GAMT: variants seen among roughly 807,000 people sequenced by gnomAD.
The protein encoded by GAMT is epididymis secretory protein Li 20.
In GAMT, 26 loss-of-function variants were observed where a neutral mutation model predicts 26.9. The ratio of observed to expected loss-of-function variants is 0.97; its 90% CI spans 0.71 to 1.34. The LOEUF is 1.34. GAMT is among the 40% of genes most tolerant of loss of function. The pLI, the probability that GAMT is intolerant of heterozygous loss-of-function variation, is 0.00. For missense variants in GAMT, 412 were observed against 345.0 expected, an observed-to-expected ratio of 1.19 and a Z score of -1.54; for synonymous variants, 169 against 149.6, an observed-to-expected ratio of 1.13 and a Z score of -0.95.
rs779257170 is a variant in GAMT at position 1,401,305 on chromosome 19, A to AGGC, written c.169_171dup (p.Ala57dup). 1 of 1,509,888 alleles carries AGGC rather than the reference A, an allele frequency of 6.6e-7. No individual in the cohort carries two copies. The highest frequency in any genetic ancestry group is 2.7e-5 in the East Asian group (1 of 37,214). 93.5% of individuals were successfully genotyped at this position (1,509,888 alleles called of 1,614,324 possible). A position where few individuals can be genotyped will look rare whatever the true frequency, so the allele number is the denominator to read the frequency against. On this transcript the variant is annotated inframe_insertion, in exon 1 of 6. Transcript: ENST00000252288. ...GCCGGGCGGGGGCTACCTTTGGAGG[A>AGGC]GGCGGCGGCGGCCAGCGCGTGCATA...
At position 1,399,510 on chromosome 19, in the gene GAMT, C is replaced by T; in HGVS notation, c.391+14G>A. On this transcript the variant is annotated intron_variant, in intron 3 of 5. Coordinates refer to ENST00000252288, the MANE Select transcript of GAMT (RefSeq NM_000156.6). The surrounding 1 kb of genome is among the most constrained non-coding windows in gnomAD (Gnocchi z 6.2). ...GGGGAGGCCCACCCTGTGATACGTCCCCTCACCCCTCACCATCAAAGTGAC... is the reference window on the plus strand; with the variant it reads ...GGGGAGGCCCACCCTGTGATACGTCTCCTCACCCCTCACCATCAAAGTGAC... 6.2e-7 allele frequency: 1 copy of T among 1,609,758 alleles called. No individual in the cohort carries two copies. The highest frequency in any genetic ancestry group is 2.2e-5 in the East Asian group (1 of 44,804).
At chr19:1,398,578 G>T in intron 5 of GAMT, 1 of 675,060 alleles carries the variant, frequency 1.5e-6, no homozygotes, top group Non-Finnish European at 2.5e-6. Context: ...TGGGAGTACA[G>T]GCACACGCCA....
In GAMT at chr19:1,397,185, G is replaced by T. The variant is rs1196241730; in HGVS notation, c.*174C>A. The T allele has an allele frequency of 2.7e-6, 2 of 739,354 alleles. No homozygotes were observed. The highest frequency in any genetic ancestry group is 2.2e-6 in the Non-Finnish European group (1 of 459,304). The allele number at this position is 739,354 out of a possible 1,614,324, so 45.8% of individuals were successfully genotyped here. ...CCCTCACAGAGAAGCTGGGAAAGCT[G>T]CTGGTGACACACAGCTGGGATCAGC... On this transcript the variant is annotated 3_prime_UTR_variant, in exon 6 of 6. Coordinates refer to ENST00000252288, the MANE Select transcript of GAMT (RefSeq NM_000156.6).
rs767824933 is a variant in GAMT, at chr19:1,399,789, G to A, written c.327+4C>T. 17 of 1,559,868 alleles carry A rather than the reference G, an allele frequency of 1.1e-5. No individual in the cohort carries two copies. Among genetic ancestry groups the A allele is most frequent in the East Asian group, 2.4e-5 (1 of 41,824 alleles). On this transcript the variant is annotated splice_donor_region_variant and intron_variant, in intron 2 of 5. Transcript: ENST00000252288. The surrounding 1 kb of genome is among the most constrained non-coding windows in gnomAD (Gnocchi z 6.2). The stretch of plus-strand genomic sequence containing the variant: ...TCCTGGAGGGCCTGCGGGCAGAGGG[G>A]CACCTTGTGTGTCTGCCGTGGGGCC...
rs1395145114 is a variant in GAMT at position 1,397,354 on chromosome 19, G to T, written c.*5C>A. 1 of 1,609,312 alleles carries T rather than the reference G, an allele frequency of 6.2e-7. No individual in the cohort carries two copies. On this transcript the variant is annotated 3_prime_UTR_variant, in exon 6 of 6. Transcript: ENST00000252288. The stretch of plus-strand genomic sequence containing the variant: ...GCATGGGTGTGGCCGGGCCGGGGTG[G>T]GGGCTCAGCCTTTGGTCACCAGGGG...
At position 1,399,859 on chromosome 19, in the gene GAMT, C is replaced by T. The variant is rs761115975; in HGVS notation, c.261G>A (p.Trp87Ter). Residue 87 changes from tryptophan to a stop codon, truncating the protein, a stop_gained, in exon 2 of 6, where the codon TGG becomes TGA. Transcript: ENST00000252288. LOFTEE classifies it high-confidence loss of function. The surrounding 1 kb of genome is among the most constrained non-coding windows in gnomAD (Gnocchi z 6.2). ...KVQEAPIDEH[W>*]IIECNDGVFQ... ...AGACGCCGTCATTGCACTCGATGAT[C>T]CAATGCTCATCAATGGGCGCCTCCT... 6.2e-7 allele frequency: 1 copy of T among 1,602,412 alleles called. No individual in the cohort carries two copies. The highest frequency in any genetic ancestry group is 1.3e-5 in the African/African-American group (1 of 74,748).
At chr19:1,397,574 A>T (rs2082608096) in intron 5 of GAMT, 75 bp from the exon 6 acceptor site, 2 of 1,584,972 alleles carry the variant, frequency 1.3e-6, no homozygotes, top group Admixed American at 1.7e-5. Flanking sequence ...CCCCTCATTG[A>T]AGAGTGTTTA....
chr19:1,397,408 C>T lies in GAMT; in HGVS notation c.662G>A (p.Arg221His), dbSNP rs766553422. Residue 221 changes from arginine (R) to histidine (H), a missense_variant, in exon 6 of 6, where the codon CGC becomes CAC. Coordinates refer to ENST00000252288, the MANE Select transcript of GAMT (RefSeq NM_000156.6). ...GATCATCTGTGGGAAGGCGTAGTAG[C>T]GGCAGTCGGCCGGTGGGACCAGCGC... is the stretch of plus-strand genomic sequence containing the variant. ...VMALVPPADC[R>H]YYAFPQMITP... 3.7e-5 allele frequency: 60 copies of T among 1,611,700 alleles called. No homozygotes were observed. The highest frequency in any genetic ancestry group is 1.6e-4 in the African/African-American group (12 of 74,914).
At chr19:1,397,948 G>T in intron 5 of GAMT, 1 of 1,069,318 alleles carries the variant, frequency 9.4e-7, no homozygotes. Flanking sequence ...CAGGCAGAGG[G>T]AACAGCGAGA....
At chr19:1,398,630 G>C in intron 5 of GAMT, 1 of 911,688 alleles carries the variant, frequency 1.1e-6, no homozygotes, top group Non-Finnish European at 1.6e-6. Flanking sequence ...TTTTAGGAAA[G>C]ATGAGGTCTT....
At chr19:1,400,052 A>AGGGCT in intron 1 of GAMT, 114 bp from the exon 2 acceptor site, 1 of 1,128,886 alleles carries the variant, frequency 8.9e-7, no homozygotes. Context: ...GAGGGGGCGC[A>AGGGCT]GGGCTGGGCT....
chr19:1,399,747 A>G lies in GAMT; in HGVS notation c.327+46T>C. 1.3e-6 allele frequency: 2 copies of G among 1,536,366 alleles called. No individual in the cohort carries two copies. The highest frequency in any genetic ancestry group is 1.7e-4 in the Middle Eastern group (1 of 5,922). On this transcript the variant is annotated intron_variant, in intron 2 of 5. Transcript: ENST00000252288. The surrounding 1 kb of genome is among the most constrained non-coding windows in gnomAD (Gnocchi z 6.2). ...CCAACCCCCAGGAAGCAGTGCCCTC[A>G]CCCCAAGGAGTGGGGGTCCTGGAGG...
chr19:1,398,802 C>T (rs2082615753), intron 5 of GAMT, 114 bp downstream of exon 5: 1 of 1,557,774 alleles, frequency 6.4e-7, no homozygotes, highest in Non-Finnish European at 8.7e-7. Context: ...TCCAGCCCAC[C>T]CAGGGGGTCA....
At position 1,399,115 on chromosome 19, in the gene GAMT, CAGAG is replaced by C. The variant is rs762239322; in HGVS notation, c.459+9_459+12del. ...GAGGGCCTCCCGCATCCCAGCAAGT[CAGAG>C]AGAACCACCTTGATGAAGTTGAACT... On this transcript the variant is annotated intron_variant, in intron 4 of 5. Coordinates refer to ENST00000252288, the MANE Select transcript of GAMT (RefSeq NM_000156.6). This position sits in a 1 kb window ranked among gnomAD's most constrained non-coding sequence, Gnocchi z 6.2. The C allele has an allele frequency of 7.4e-6, 12 of 1,613,672 alleles. No individual in the cohort carries two copies. Among genetic ancestry groups the C allele is most frequent in the African/African-American group, 5.3e-5 (4 of 75,046 alleles).
rs1224071038 is a variant in GAMT at position 1,397,330 on chromosome 19, C to T, written c.*29G>A. ...CCGGCCAGGAAGGCACGGAGGAGGG[C>T]ATGGGTGTGGCCGGGCCGGGGTGGG... is the stretch of plus-strand genomic sequence containing the variant. On this transcript the variant is annotated 3_prime_UTR_variant, in exon 6 of 6. Transcript: ENST00000252288. 2 of 1,596,744 alleles carry T rather than the reference C, an allele frequency of 1.3e-6. No individual in the cohort carries two copies. The highest frequency in any genetic ancestry group is 1.7e-5 in the Admixed American group (1 of 57,722).
intron 5 of GAMT, chr19:1,398,010 G>C (rs2082610361): frequency 9.7e-7 from 1 of 1,033,602 alleles, no homozygotes; most frequent in African/African-American, 1.7e-5. Context: ...CTGGAGGGAG[G>C]GGAACACGCA....
rs748982285 is a variant in GAMT at position 1,398,856 on chromosome 19, T to C, written c.570+60A>G. 3.9e-5 allele frequency: 62 copies of C among 1,601,448 alleles called. 3 individuals are homozygous for C. In the South Asian group the frequency reaches 6.8e-4, roughly 18 times the overall value. ...GTAGCAAGGTGGCTCCAGCAGCCCC[T>C]TCCCACCCCCATCCAAGGTCACTTC... On this transcript the variant is annotated intron_variant, in intron 5 of 5. Coordinates refer to ENST00000252288, the MANE Select transcript of GAMT (RefSeq NM_000156.6).
At position 1,397,283 on chromosome 19, in the gene GAMT, G is replaced by T; in HGVS notation, c.*76C>A. 1 of 1,512,440 alleles carries T rather than the reference G, an allele frequency of 6.6e-7. No individual in the cohort carries two copies. Among genetic ancestry groups the T allele is most frequent in the Non-Finnish European group, 8.9e-7 (1 of 1,120,610 alleles). The allele number at this position is 1,512,440 out of a possible 1,614,324, so 93.7% of individuals were successfully genotyped here. A position where few individuals can be genotyped will look rare whatever the true frequency, so the allele number is the denominator to read the frequency against. On this transcript the variant is annotated 3_prime_UTR_variant, in exon 6 of 6. Transcript: ENST00000252288. Reference sequence around the variant, plus strand: ...GACACACAGCTGGGATCAGCCCAGGGCTGGTGCGACACCCTGGACTCCCGG... The same window carrying T: ...GACACACAGCTGGGATCAGCCCAGGTCTGGTGCGACACCCTGGACTCCCGG...
In GAMT at chr19:1,397,558, C is replaced by T. The variant is rs181668715; in HGVS notation, c.571-59G>A. 28 of 1,591,280 alleles carry T rather than the reference C, an allele frequency of 1.8e-5. No individual in the cohort carries two copies. In the East Asian group the frequency reaches 2.7e-4, roughly 15 times the overall value. On this transcript the variant is annotated intron_variant, in intron 5 of 5. Coordinates refer to ENST00000252288, the MANE Select transcript of GAMT (RefSeq NM_000156.6). ...GCCATGGGGGTCACGTGCACCCTGGCGCCCACCCCTCATTGAAGAGTGTTT... is the reference window on the plus strand; with the variant it reads ...GCCATGGGGGTCACGTGCACCCTGGTGCCCACCCCTCATTGAAGAGTGTTT...
Sources: gnomAD v4.1 joint callset for allele counts on GRCh38, gnomAD v4.1.1 for gene constraint, Gnocchi (gnomAD v3.1) non-coding constraint, MANE v1.5 for transcripts, NCBI Gene and HGNC (gene_info 2026-07-23, HGNC 2026-07-21) for gene names.